Variants in MBOAT2 observed in about 807,000 individuals in gnomAD.
The protein encoded by MBOAT2 is membrane bound glycerophospholipid O-acyltransferase 2.
A neutral mutation model predicts 63.4 loss-of-function variants in MBOAT2; 28 were observed. That is an observed-to-expected ratio of 0.44 (90% CI 0.33 to 0.61). The LOEUF (loss-of-function observed/expected upper bound fraction) is 0.61, where lower values mean the gene tolerates loss of function less well. Ranked by LOEUF, MBOAT2 falls within the 20% of genes least tolerant of loss-of-function variation. The probability of loss-of-function intolerance (pLI) is 0.03; values close to 1 mark genes in which losing one functional copy is unlikely to be tolerated. For missense variants in MBOAT2, 470 were observed against 605.8 expected (o/e 0.78, Z 2.35); for synonymous variants, 211 against 215.6 (o/e 0.98, Z 0.19).
In MBOAT2 at chr2:9,003,283, G is replaced by A. The variant is rs1256374126; in HGVS notation, c.75+257C>T. Among the ~76,000 whole-genome samples, 1 of 152,170 alleles carries A rather than the reference G, an allele frequency of 6.6e-6. No homozygotes were observed. The highest frequency in any genetic ancestry group is 1.5e-5 in the Non-Finnish European group (1 of 68,000). On this transcript the variant is annotated intron_variant, in intron 1 of 12. Coordinates refer to ENST00000305997, the MANE Select transcript of MBOAT2 (RefSeq NM_138799.4). This position sits in a 1 kb window ranked among gnomAD's most constrained non-coding sequence, Gnocchi z 5.4. ...ACGCCCATACGACCACCCTCCCCGG[G>A]GGCTGTCGCCGGCAACAACGCCCGG...
chr2:8,861,469 G>A (rs1661489050), intron 11 of MBOAT2, among the ~76,000 whole-genome samples: 1 of 152,148 alleles, frequency 6.6e-6, no homozygotes, highest in Non-Finnish European at 1.5e-5. Flanking sequence ...CCAAAAGCCC[G>A]TACCTCAGGA....
chr2:8,891,173 A>G (rs1663963850), intron 4 of MBOAT2, among the ~76,000 whole-genome samples: 2 of 152,270 alleles, frequency 1.3e-5, no homozygotes, highest in Non-Finnish European at 2.9e-5. Context: ...TGGCAGTCCC[A>G]AGGCTTCTGG....
intron 1 of MBOAT2, among the ~76,000 whole-genome samples, chr2:8,990,682 T>C (rs970956799): frequency 2.0e-5 from 3 of 152,196 alleles, no homozygotes; most frequent in Non-Finnish European, 2.9e-5. Flanking sequence ...TTCCTTCAAT[T>C]CACATAAAAA....
intron 10 of MBOAT2, among the ~76,000 whole-genome samples, chr2:8,863,807 C>T (rs1194392519): frequency 6.6e-6 from 1 of 152,092 alleles, no homozygotes; most frequent in African/African-American, 2.4e-5. Context: ...TTCTGGAGTA[C>T]CCAGGCATAA....
intron 1 of MBOAT2, among the ~76,000 whole-genome samples, chr2:8,983,451 G>T (rs949194250): frequency 7.9e-5 from 12 of 152,116 alleles, no homozygotes; most frequent in Non-Finnish European, 1.8e-4. Flanking sequence ...TGGTTTTACT[G>T]GAGAATTCTA....
intron 7 of MBOAT2, among the ~76,000 whole-genome samples, chr2:8,873,768 A>C (rs1288519792): frequency 6.6e-6 from 1 of 152,218 alleles, no homozygotes; most frequent in Non-Finnish European, 1.5e-5. Flanking sequence ...TGTAAATCTG[A>C]AAGTTAACAC....
chr2:8,967,041 T>A (rs11895075), intron 1 of MBOAT2, among the ~76,000 whole-genome samples: 33,666 of 152,124 alleles, frequency 0.22, 5,622 homozygotes, highest in African/African-American at 0.47. Flanking sequence ...TCTAGAAGAA[T>A]CCATACATCT....
At chr2:8,964,124 T>C (rs1171243648) in intron 1 of MBOAT2, among the ~76,000 whole-genome samples, 10 of 152,286 alleles carry the variant, frequency 6.6e-5, no homozygotes, top group Non-Finnish European at 1.0e-4. Flanking sequence ...ACACGTACAA[T>C]GAAGCCTCCT....
intron 3 of MBOAT2, among the ~76,000 whole-genome samples, chr2:8,914,896 T>C (rs911492254): frequency 6.6e-6 from 1 of 151,560 alleles, no homozygotes; most frequent in Non-Finnish European, 1.5e-5. Context: ...CTTAATGTGC[T>C]TTTTTTTCAG....
At chr2:8,994,443 C>A (rs1346572605) in intron 1 of MBOAT2, among the ~76,000 whole-genome samples, 3 of 152,192 alleles carry the variant, frequency 2.0e-5, no homozygotes, top group Non-Finnish European at 4.4e-5. Flanking sequence ...TTGCCATTAA[C>A]TCCTTCCTAA....
At chr2:8,872,882 T>C (rs889428813) in intron 8 of MBOAT2, among the ~76,000 whole-genome samples, 1 of 152,254 alleles carries the variant, frequency 6.6e-6, no homozygotes, top group Non-Finnish European at 1.5e-5. Flanking sequence ...AAATATCTGT[T>C]GTCTTTCATT....
intron 3 of MBOAT2, among the ~76,000 whole-genome samples, chr2:8,941,291 C>T (rs1256864101): frequency 1.3e-5 from 2 of 152,180 alleles, no homozygotes; most frequent in African/African-American, 2.4e-5. Flanking sequence ...TGTCAAATTA[C>T]AACACCAAGA....
At chr2:8,888,168 T>C in intron 4 of MBOAT2, 95 bp from the exon 5 acceptor site, 1 of 1,149,006 alleles carries the variant, frequency 8.7e-7, no homozygotes, top group South Asian at 1.4e-5. Flanking sequence ...CTTTTATCAC[T>C]ACAAATCCTG....
chr2:8,920,399 T>C (rs945038509), intron 3 of MBOAT2, among the ~76,000 whole-genome samples: 1 of 152,230 alleles, frequency 6.6e-6, no homozygotes, highest in Non-Finnish European at 1.5e-5. Flanking sequence ...TATATGTCTA[T>C]CCTTATGCCA....
intron 1 of MBOAT2, among the ~76,000 whole-genome samples, chr2:8,965,828 T>A (rs577749817): frequency 6.6e-6 from 1 of 152,106 alleles, no homozygotes; most frequent in Non-Finnish European, 1.5e-5. Flanking sequence ...TTGTTAATTA[T>A]CTCCACATCA....
intron 6 of MBOAT2, among the ~76,000 whole-genome samples, chr2:8,880,115 C>A (rs985561195): frequency 1.3e-5 from 2 of 151,896 alleles, no homozygotes; most frequent in African/African-American, 4.8e-5. Flanking sequence ...ATCCAATGCA[C>A]ATTAAAAGCT....
At chr2:8,874,276 G>C (rs1426572884) in intron 7 of MBOAT2, among the ~76,000 whole-genome samples, 5 of 152,148 alleles carry the variant, frequency 3.3e-5, no homozygotes, top group Admixed American at 2.6e-4. Context: ...CAGTGTTCAA[G>C]GACTCCTTGC....
intron 1 of MBOAT2, among the ~76,000 whole-genome samples, chr2:8,977,061 G>A (rs893630073): frequency 9.2e-5 from 14 of 152,030 alleles, no homozygotes; most frequent in African/African-American, 3.1e-4. Flanking sequence ...GGAGGGAGAC[G>A]GTACTGAAGG....
At chr2:8,872,972 G>A in intron 8 of MBOAT2, 136 bp downstream of exon 8, 1 of 674,654 alleles carries the variant, frequency 1.5e-6, no homozygotes, top group East Asian at 2.8e-5. Context: ...TGCGAGGGCT[G>A]TTTTTTCTAC....
Sources: gnomAD v4.1 joint callset for allele counts (sites outside exome capture counted in the v4.1 genomes callset) on GRCh38, gnomAD v4.1.1 for gene constraint, Gnocchi (gnomAD v3.1) non-coding constraint, MANE v1.5 for transcripts, NCBI Gene and HGNC (gene_info 2026-07-23, HGNC 2026-07-21) for gene names.